Variants in KCNAB1 observed in about 807,000 individuals in gnomAD.
KCNAB1 encodes the protein voltage-gated potassium channel subunit beta-1.
KCNAB1 carries 35 observed loss-of-function variants against 64.6 expected under a neutral mutation model. The ratio of observed to expected loss-of-function variants is 0.54; its 90% CI spans 0.41 to 0.72. The LOEUF is 0.72. KCNAB1 is among the 30% of genes least tolerant of loss of function. The probability of loss-of-function intolerance (pLI) is 0.00; values close to 1 mark genes in which losing one functional copy is unlikely to be tolerated. For synonymous variants in KCNAB1, 177 were observed against 183.8 expected, an observed-to-expected ratio of 0.96 and a Z score of 0.30; for missense variants, 401 against 512.9, an observed-to-expected ratio of 0.78 and a Z score of 2.11.
chr3:156,370,965 A>G (rs1726265675), intron 1 of KCNAB1, among the ~76,000 whole-genome samples: 1 of 152,174 alleles, frequency 6.6e-6, no homozygotes, highest in African/African-American at 2.4e-5. Flanking sequence ...TCCACCTGGC[A>G]TCCTTCATTT....
intron 8 of KCNAB1, among the ~76,000 whole-genome samples, chr3:156,476,531 A>G (rs929922828): frequency 6.7e-6 from 1 of 149,606 alleles, no homozygotes; most frequent in African/African-American, 2.5e-5. Context: ...ATACACACAC[A>G]CACACACACA....
At chr3:156,461,878 A>G (rs1712940714) in intron 5 of KCNAB1, among the ~76,000 whole-genome samples, 1 of 152,222 alleles carries the variant, frequency 6.6e-6, no homozygotes, top group Admixed American at 6.5e-5. Flanking sequence ...TGCCCCCGTG[A>G]GACTGGTGAA....
rs201167055 is a variant in KCNAB1, at chr3:156,523,952, G to C, written c.1081+5G>C. On this transcript the variant is annotated splice_donor_5th_base_variant and intron_variant, in intron 12 of 13. Coordinates refer to ENST00000490337, the MANE Select transcript of KCNAB1 (RefSeq NM_172160.3). ...CACTACCTCAGCTAGCTGTTGGTAA[G>C]AAAATTACTAAGCTATGGGGTGGTA... 1.2e-5 allele frequency: 20 copies of C among 1,613,328 alleles called. No homozygotes were observed. Among genetic ancestry groups the C allele is most frequent in the Non-Finnish European group, 1.7e-5 (20 of 1,179,740 alleles).
At chr3:156,304,422 C>G (rs1721352445) in intron 1 of KCNAB1, among the ~76,000 whole-genome samples, 1 of 152,174 alleles carries the variant, frequency 6.6e-6, no homozygotes. Context: ...ACAACATAAA[C>G]AGAACTTAAT....
intron 13 of KCNAB1, among the ~76,000 whole-genome samples, chr3:156,533,498 G>C (rs1718845085): frequency 6.6e-6 from 1 of 152,210 alleles, no homozygotes; most frequent in African/African-American, 2.4e-5. Context: ...TGGAGAGACA[G>C]GCAGGGCCAG....
At chr3:156,377,581 C>T (rs561503840) in intron 1 of KCNAB1, among the ~76,000 whole-genome samples, 43 of 152,248 alleles carry the variant, frequency 2.8e-4, no homozygotes, top group African/African-American at 8.9e-4. Flanking sequence ...CAATGCTTAA[C>T]GAGCTCTGCA....
At chr3:156,445,817 G>C (rs1711512058) in intron 2 of KCNAB1, among the ~76,000 whole-genome samples, 1 of 152,188 alleles carries the variant, frequency 6.6e-6, no homozygotes, top group Non-Finnish European at 1.5e-5. Flanking sequence ...ATAGCAGTTA[G>C]TTCAAAATGG....
chr3:156,318,325 G>T lies in KCNAB1; in HGVS notation c.276-103291G>T, dbSNP rs377506153. ...TTGTTAGAAATAAAGGTCTCTGAGGGGTCATCACAAACTCACAGGCCCACA... is the reference window on the plus strand; with the variant it reads ...TTGTTAGAAATAAAGGTCTCTGAGGTGTCATCACAAACTCACAGGCCCACA... On this transcript the variant is annotated intron_variant, in intron 1 of 13. Transcript: ENST00000490337. Among the ~76,000 whole-genome samples the T allele has an allele frequency of 2.0e-4, 30 of 152,234 alleles. No individual in the cohort carries two copies. In the South Asian group the frequency reaches 5.8e-3, roughly 30 times the overall value.
At chr3:156,169,774 CT>C (rs1244237713) in intron 1 of KCNAB1, among the ~76,000 whole-genome samples, 6 of 152,342 alleles carry the variant, frequency 3.9e-5, no homozygotes, top group African/African-American at 1.2e-4. Flanking sequence ...ATAAGATGTG[CT>C]TGCTTTCCCT....
chr3:156,143,820 C>T (rs565095940), intron 1 of KCNAB1, among the ~76,000 whole-genome samples: 1 of 150,994 alleles, frequency 6.6e-6, no homozygotes, highest in Non-Finnish European at 1.5e-5. Context: ...GGATTCAAGA[C>T]TTATTTTCTT....
intron 1 of KCNAB1, chr3:156,215,626 GAGAC>G (rs1235389370): frequency 6.6e-6 from 1 of 152,282 alleles, no homozygotes; most frequent in Non-Finnish European, 1.5e-5. Flanking sequence ...GCAGTTGGTG[GAGAC>G]AGACAGGGAA....
rs1491329816 is a variant in KCNAB1, at chr3:156,357,150, CAT to C, written c.276-64465_276-64464del. On this transcript the variant is annotated intron_variant, in intron 1 of 13. Transcript: ENST00000490337. ...TCTCTCTCACACATACACAAACACACATGTGCGCGCACACACACACACACACA... is the reference window on the plus strand; with the variant it reads ...TCTCTCTCACACATACACAAACACACGTGCGCGCACACACACACACACACA... Among the ~76,000 whole-genome samples, 55 of 145,604 alleles carry C rather than the reference CAT, an allele frequency of 3.8e-4. 1 individual carries two copies. Among genetic ancestry groups the C allele is most frequent in the African/African-American group, 1.4e-3 (52 of 36,862 alleles).
chr3:156,229,337 C>T (rs1023903694), intron 1 of KCNAB1, among the ~76,000 whole-genome samples: 1 of 152,082 alleles, frequency 6.6e-6, no homozygotes, highest in African/African-American at 2.4e-5. Context: ...AGGTGCTACA[C>T]ACCTCACAGA....
At chr3:156,238,952 T>C (rs1255557356) in intron 1 of KCNAB1, among the ~76,000 whole-genome samples, 1 of 152,188 alleles carries the variant, frequency 6.6e-6, no homozygotes, top group Non-Finnish European at 1.5e-5. Flanking sequence ...ATTAATTAAT[T>C]AAAGAAACTT....
chr3:156,204,774 A>G (rs1434886186), intron 1 of KCNAB1, among the ~76,000 whole-genome samples: 2 of 152,154 alleles, frequency 1.3e-5, no homozygotes, highest in African/African-American at 4.8e-5. Context: ...CGGAGGTTGC[A>G]ATGAACCGGA....
chr3:156,469,210 G>GTACATAAT (rs1713671540), intron 7 of KCNAB1, among the ~76,000 whole-genome samples: 1 of 144,252 alleles, frequency 6.9e-6, no homozygotes, highest in Non-Finnish European at 1.5e-5. Context: ...ACCAGAGTGT[G>GTACATAAT]TACATAATTT....
intron 8 of KCNAB1, among the ~76,000 whole-genome samples, chr3:156,509,022 C>T (rs906683809): frequency 3.3e-5 from 5 of 151,626 alleles, no homozygotes; most frequent in Non-Finnish European, 7.4e-5. Flanking sequence ...ACCTGGACCT[C>T]AGCATTTTTG....
intron 1 of KCNAB1, among the ~76,000 whole-genome samples, chr3:156,400,451 A>G (rs890209370): frequency 2.6e-5 from 4 of 152,186 alleles, no homozygotes; most frequent in Non-Finnish European, 5.9e-5. Context: ...AGCCTCCTCC[A>G]ATCCATCCTC....
intron 1 of KCNAB1, among the ~76,000 whole-genome samples, chr3:156,171,908 T>C (rs1244550145): frequency 2.0e-5 from 3 of 152,238 alleles, no homozygotes; most frequent in Non-Finnish European, 4.4e-5. Flanking sequence ...AATTATTTAA[T>C]CTGACCAAGT....
Sources: allele counts gnomAD v4.1 joint callset (sites outside exome capture counted in the v4.1 genomes callset), GRCh38; gene constraint gnomAD v4.1.1; transcripts MANE v1.5; gene names NCBI Gene and HGNC (gene_info 2026-07-23, HGNC 2026-07-21).